The following CSMD1 variants were observed in gnomAD, a reference collection of about 807,000 sequenced individuals.
The protein encoded by CSMD1 is CUB and Sushi multiple domains 1, also known as CUB and sushi domain-containing protein 1.
Under a neutral mutation model 417.5 loss-of-function variants are expected in CSMD1, and 213 were observed. The observed-to-expected ratio is 0.51, with a 90% CI of 0.46 to 0.57. The LOEUF (loss-of-function observed/expected upper bound fraction) is 0.57. Ranked by LOEUF, CSMD1 falls within the 20% of genes least tolerant of loss-of-function variation. CSMD1 has a pLI of 0.00. For missense variants in CSMD1, 6,923 were observed against 4,529.7 expected, an observed-to-expected ratio of 1.53 and a Z score of -15.17; for synonymous variants, 2,862 against 1,736.8, an observed-to-expected ratio of 1.65 and a Z score of -16.11.
At chr8:3,677,968 A>C (rs187223317) in intron 7 of CSMD1, among the ~76,000 whole-genome samples, 32 of 152,250 alleles carry the variant, frequency 2.1e-4, no homozygotes, top group African/African-American at 7.7e-4. Flanking sequence ...AGAAACACTG[A>C]CTTGGTGCAG....
intron 1 of CSMD1, among the ~76,000 whole-genome samples, chr8:4,729,692 T>C (rs781619684): frequency 6.6e-6 from 1 of 152,178 alleles, no homozygotes; most frequent in African/African-American, 2.4e-5. Context: ...TGTTTGAAAG[T>C]TCCAGTGGCT....
At chr8:4,446,064 G>C (rs924028545) in intron 2 of CSMD1, among the ~76,000 whole-genome samples, 1 of 152,198 alleles carries the variant, frequency 6.6e-6, no homozygotes, top group African/African-American at 2.4e-5. Flanking sequence ...AGACGAGGCT[G>C]TTTCATAGGC....
chr8:3,748,308 T>C (rs1797157147), intron 6 of CSMD1, among the ~76,000 whole-genome samples: 1 of 152,208 alleles, frequency 6.6e-6, no homozygotes, highest in African/African-American at 2.4e-5. Context: ...ATAATATATT[T>C]CAGTAATTTA....
At chr8:3,598,611 C>G (rs1399330818) in intron 8 of CSMD1, among the ~76,000 whole-genome samples, 1 of 152,140 alleles carries the variant, frequency 6.6e-6, no homozygotes, top group Non-Finnish European at 1.5e-5. Context: ...TTGTCCTCAT[C>G]CCAAGAGCTC....
At chr8:3,521,277 G>C (rs530789162) in intron 10 of CSMD1, among the ~76,000 whole-genome samples, 158 of 152,146 alleles carry the variant, frequency 1.0e-3, no homozygotes, top group African/African-American at 3.7e-3. Flanking sequence ...CTTCCTCCCT[G>C]TGCTCAGAGC....
intron 2 of CSMD1, among the ~76,000 whole-genome samples, chr8:4,632,228 C>A (rs1802561257): frequency 1.3e-5 from 2 of 152,120 alleles, no homozygotes; most frequent in African/African-American, 4.8e-5. Context: ...GCCCCACGAA[C>A]ACTTATTGAC....
chr8:4,819,885 C>G (rs1321026476), intron 1 of CSMD1, among the ~76,000 whole-genome samples: 1 of 151,752 alleles, frequency 6.6e-6, no homozygotes, highest in Non-Finnish European at 1.5e-5. Context: ...AACTATCTGC[C>G]CTGTGGACTT....
In CSMD1 at chr8:3,917,646, G is replaced by C. The variant is rs531837891; in HGVS notation, c.818+80257C>G. On this transcript the variant is annotated intron_variant, in intron 5 of 69. Transcript: ENST00000635120. ...CTTTTTCTTAAAAATGCTTATTATG[G>C]TACGACTAACATGCAAAAAGTTGTA... Among the ~76,000 whole-genome samples the C allele has an allele frequency of 1.9e-3, 289 of 151,856 alleles. 2 individuals carry two copies. Among genetic ancestry groups the C allele is most frequent in the Middle Eastern group, 3.4e-3 (1 of 294 alleles).
chr8:4,531,756 G>C (rs934103749), intron 2 of CSMD1, among the ~76,000 whole-genome samples: 4 of 152,174 alleles, frequency 2.6e-5, no homozygotes, highest in Admixed American at 6.5e-5. Context: ...CTCTCTAAAA[G>C]TATACAATCT....
intron 3 of CSMD1, among the ~76,000 whole-genome samples, chr8:4,088,924 C>T (rs1156760222): frequency 1.3e-5 from 2 of 152,202 alleles, no homozygotes; most frequent in Non-Finnish European, 1.5e-5. Context: ...CGAAAAAGCA[C>T]TCCCCTGCCA....
At chr8:4,843,434 T>TACAACA (rs34061646) in intron 1 of CSMD1, among the ~76,000 whole-genome samples, 11 of 151,350 alleles carry the variant, frequency 7.3e-5, no homozygotes, top group East Asian at 1.9e-4. Context: ...TTGGAGAGAT[T>TACAACA]ACAACAACAA....
At chr8:3,318,081 G>A (rs566789009) in intron 23 of CSMD1, among the ~76,000 whole-genome samples, 24 of 152,286 alleles carry the variant, frequency 1.6e-4, no homozygotes, top group South Asian at 8.3e-4. Context: ...GATTACAAGC[G>A]TGACCTATCA....
At chr8:3,884,677 A>G (rs951096614) in intron 5 of CSMD1, among the ~76,000 whole-genome samples, 5 of 152,092 alleles carry the variant, frequency 3.3e-5, no homozygotes, top group Middle Eastern at 3.2e-3. Flanking sequence ...CTTCTCTTTT[A>G]AATTATAATT....
chr8:3,923,976 T>C (rs990442726), intron 5 of CSMD1, among the ~76,000 whole-genome samples: 2 of 152,240 alleles, frequency 1.3e-5, no homozygotes, highest in Non-Finnish European at 2.9e-5. Flanking sequence ...AATTTGACTA[T>C]ACACTTACCT....
chr8:4,157,516 G>A (rs762027089), intron 3 of CSMD1, among the ~76,000 whole-genome samples: 2 of 151,924 alleles, frequency 1.3e-5, no homozygotes, highest in Non-Finnish European at 2.9e-5. Flanking sequence ...CAAAGAACTG[G>A]TTAAAGCAGC....
chr8:3,454,050 C>A (rs1307670263), intron 12 of CSMD1, among the ~76,000 whole-genome samples: 1 of 152,028 alleles, frequency 6.6e-6, no homozygotes, highest in Non-Finnish European at 1.5e-5. Flanking sequence ...TGAATTGATC[C>A]CTTTACCATT....
At chr8:4,081,565 C>G (rs775197588) in intron 3 of CSMD1, among the ~76,000 whole-genome samples, 1 of 152,072 alleles carries the variant, frequency 6.6e-6, no homozygotes, top group Non-Finnish European at 1.5e-5. Flanking sequence ...TCATGTTGAC[C>G]TAGTTGACCC....
chr8:3,848,386 C>G (rs1803657789), intron 5 of CSMD1, among the ~76,000 whole-genome samples: 1 of 152,070 alleles, frequency 6.6e-6, no homozygotes, highest in Non-Finnish European at 1.5e-5. Context: ...TTTTCTCAGC[C>G]TTCTCTAGGC....
chr8:4,020,882 C>T (rs959987712), intron 4 of CSMD1, among the ~76,000 whole-genome samples: 1 of 152,114 alleles, frequency 6.6e-6, no homozygotes, highest in Admixed American at 6.5e-5. Flanking sequence ...TATTTTTGGT[C>T]CTACTCAGCT....
Sources: gnomAD v4.1 joint callset for allele counts (sites outside exome capture counted in the v4.1 genomes callset) on GRCh38, gnomAD v4.1.1 for gene constraint, MANE v1.5 for transcripts, NCBI Gene and HGNC (gene_info 2026-07-23, HGNC 2026-07-21) for gene names.